SLAIN1: variants seen among roughly 807,000 people sequenced by gnomAD.
SLAIN1 encodes SLAIN motif-containing protein 1.
Under a neutral mutation model 55.4 loss-of-function variants are expected in SLAIN1, and 17 were observed. The ratio of observed to expected loss-of-function variants is 0.31; its 90% CI spans 0.21 to 0.46. The LOEUF is 0.46. Ranked by LOEUF, SLAIN1 falls within the 20% of genes least tolerant of loss-of-function variation. SLAIN1 has a pLI of 1.00. For missense variants in SLAIN1, 682 were observed against 785.1 expected, an observed-to-expected ratio of 0.87 and a Z score of 1.57; for synonymous variants, 348 against 337.4, an observed-to-expected ratio of 1.03 and a Z score of -0.35.
intron 4 of SLAIN1, among the ~76,000 whole-genome samples, chr13:77,750,891 C>G (rs1156773085): frequency 6.6e-6 from 1 of 152,078 alleles, no homozygotes; most frequent in Non-Finnish European, 1.5e-5. Flanking sequence ...CCATAGCACT[C>G]TCTACAATTT....
chr13:77,740,873 C>T (rs947929640), intron 2 of SLAIN1, among the ~76,000 whole-genome samples: 1 of 152,070 alleles, frequency 6.6e-6, no homozygotes, highest in African/African-American at 2.4e-5. Context: ...CCTCCTCCTC[C>T]ACTGTAACCT....
At chr13:77,739,040 A>G (rs1873278279) in intron 2 of SLAIN1, among the ~76,000 whole-genome samples, 1 of 151,962 alleles carries the variant, frequency 6.6e-6, no homozygotes, top group Admixed American at 6.6e-5. Context: ...CACCTGTTTA[A>G]CCACTTTTCC....
intron 1 of SLAIN1, among the ~76,000 whole-genome samples, chr13:77,715,115 C>G (rs987678489): frequency 5.3e-5 from 8 of 152,098 alleles, no homozygotes; most frequent in Non-Finnish European, 1.2e-4. Context: ...ATTTGCCCAC[C>G]TTGGTCTCTA....
Position 77,763,487 on chromosome 13 carries a change from A to G in SLAIN1, c.*267A>G, listed in dbSNP as rs1042099397. The G allele has an allele frequency of 2.4e-6, 1 of 412,800 alleles. No individual in the cohort carries two copies. Among genetic ancestry groups the G allele is most frequent in the African/African-American group, 2.0e-5 (1 of 49,724 alleles). The allele number at this position is 412,800 out of a possible 1,614,324, so 25.6% of individuals were successfully genotyped here. ...TTTTTGTAGAACTGCTCTGTACCTG[A>G]ATACTTTTTGAGAGAATTAAGATGT... is the stretch of plus-strand genomic sequence containing the variant. On this transcript the variant is annotated 3_prime_UTR_variant, in exon 7 of 7. Transcript: ENST00000418532.
chr13:77,743,561 A>C (rs1873602540), intron 2 of SLAIN1: 1 of 153,084 alleles, frequency 6.5e-6, no homozygotes, highest in Non-Finnish European at 1.5e-5. Flanking sequence ...AAATAGTCAT[A>C]GTGGCTTTTT....
intron 2 of SLAIN1, among the ~76,000 whole-genome samples, chr13:77,720,254 A>C (rs1478996009): frequency 6.6e-6 from 1 of 152,132 alleles, no homozygotes; most frequent in Non-Finnish European, 1.5e-5. Flanking sequence ...GATGCAGGGA[A>C]CTACTTGAAG....
At chr13:77,741,080 G>A (rs1873404325) in intron 2 of SLAIN1, 6 of 863,260 alleles carry the variant, frequency 7.0e-6, no homozygotes, top group Non-Finnish European at 8.3e-6. Flanking sequence ...GGGTCACAGT[G>A]GTTATTGTGC....
rs777297657 is a variant in SLAIN1 at position 77,753,219 on chromosome 13, T to C, written c.1275T>C (p.Ser425=). 6.2e-7 allele frequency: 1 copy of C among 1,602,022 alleles called. No individual in the cohort carries two copies. Among genetic ancestry groups the C allele is most frequent in the Admixed American group, 1.8e-5 (1 of 56,590 alleles). ...CTTTTCCAGATAAGCTCCGAAGAAG[T>C]ATGCCTAACCTAGCCCGGATGCCAA... is the stretch of plus-strand genomic sequence containing the variant. ...NRTNGDKLRR[S]MPNLARMPST... is the part of the protein sequence containing the mutation. The change falls in exon 5 of 7, where the codon AGT becomes AGC. Residue 425 remains serine (S), a synonymous_variant. Coordinates refer to ENST00000418532, the MANE Select transcript of SLAIN1 (RefSeq NM_001242868.2).
intron 2 of SLAIN1, among the ~76,000 whole-genome samples, chr13:77,737,380 C>T (rs1181821200): frequency 2.6e-5 from 4 of 152,108 alleles, no homozygotes; most frequent in Admixed American, 6.6e-5. Context: ...TTCATCATTT[C>T]TATGGCTACT....
intron 4 of SLAIN1, among the ~76,000 whole-genome samples, chr13:77,748,818 G>A (rs1057131338): frequency 3.9e-5 from 6 of 152,030 alleles, no homozygotes; most frequent in African/African-American, 1.2e-4. Flanking sequence ...TCTAAGGTTC[G>A]GTTTCCCTAA....
In SLAIN1 at chr13:77,746,511, T is replaced by A. The variant is rs770674630; in HGVS notation, c.917-3T>A. 4.4e-6 allele frequency: 7 copies of A among 1,592,262 alleles called. 1 individual carries two copies. Among genetic ancestry groups the A allele is most frequent in the Non-Finnish European group, 6.0e-6 (7 of 1,165,686 alleles). Reference sequence around the variant, plus strand: ...CATTAGAGTACTATTTGTTATTTTATAGGTCTCAGGCAAGATTATGCTTCT... The same window carrying A: ...CATTAGAGTACTATTTGTTATTTTAAAGGTCTCAGGCAAGATTATGCTTCT... On this transcript the variant is annotated splice_region_variant and splice_polypyrimidine_tract_variant and intron_variant, in intron 3 of 6. Transcript: ENST00000418532.
chr13:77,723,399 C>T (rs1023740634), intron 2 of SLAIN1, among the ~76,000 whole-genome samples: 3 of 152,046 alleles, frequency 2.0e-5, no homozygotes, highest in South Asian at 2.1e-4. Flanking sequence ...TTAAAAGAAA[C>T]GAATATTTCT....
In SLAIN1 at chr13:77,697,942, C is replaced by A; in HGVS notation, c.29C>A (p.Ser10Ter). The A allele has an allele frequency of 7.0e-7, 1 of 1,429,890 alleles. No homozygotes were observed. The highest frequency in any genetic ancestry group is 9.2e-7 in the Non-Finnish European group (1 of 1,082,726). 88.6% of individuals were successfully genotyped at this position (1,429,890 alleles called of 1,614,324 possible). A position where few individuals can be genotyped will look rare whatever the true frequency, so the allele number is the denominator to read the frequency against. Residue 10 changes from serine to a stop codon, truncating the protein, a stop_gained, in exon 1 of 7, where the codon TCG becomes TAG. Coordinates refer to ENST00000418532, the MANE Select transcript of SLAIN1 (RefSeq NM_001242868.2). LOFTEE classifies it high-confidence loss of function. ...ATGGCGGAGCAGGTGAAATGCGCCT[C>A]GGCAGGGGTCAGCTCTGGAGCGGGC... MMAEQVKCA[S>*]AGVSSGAGSG...
intron 1 of SLAIN1, among the ~76,000 whole-genome samples, chr13:77,714,446 TA>T (rs1381306887): frequency 6.6e-6 from 1 of 152,086 alleles, no homozygotes; most frequent in Non-Finnish European, 1.5e-5. Context: ...ACCACATCTC[TA>T]CAAAAAAACT....
Position 77,760,912 on chromosome 13 carries a change from C to A in SLAIN1, c.1499C>A (p.Ala500Asp). 6.2e-7 allele frequency: 1 copy of A among 1,614,170 alleles called. No homozygotes were observed. Among genetic ancestry groups the A allele is most frequent in the Non-Finnish European group, 8.5e-7 (1 of 1,180,016 alleles). The change falls in exon 6 of 7, where the codon GCC (alanine) becomes GAC (aspartate). Residue 500 changes from alanine to aspartate, a missense_variant. By Grantham distance (126) the Ala-to-Asp change is moderately radical (BLOSUM62 -2). This residue lies in a region of SLAIN1 where 244 missense variants were observed against 295.2 expected (regional missense o/e 0.83). Coordinates refer to ENST00000418532, the MANE Select transcript of SLAIN1 (RefSeq NM_001242868.2). ...ATCCGACAGCCTCTTAAAGCCACAG[C>A]CTATGTGAGTCCAACCGTTCAAGGC... is the stretch of plus-strand genomic sequence containing the variant. Reference protein sequence around the residue: ...VSIRQPLKATAYVSPTVQGSS... With the variant: ...VSIRQPLKATDYVSPTVQGSS...
intron 3 of SLAIN1, among the ~76,000 whole-genome samples, chr13:77,746,126 G>A (rs1873795038): frequency 6.6e-6 from 1 of 152,082 alleles, no homozygotes; most frequent in Admixed American, 6.6e-5. Context: ...CTTGGGCAGA[G>A]ATTTGAAGAT....
intron 1 of SLAIN1, among the ~76,000 whole-genome samples, chr13:77,714,448 C>T (rs1008761710): frequency 6.6e-6 from 1 of 152,008 alleles, no homozygotes; most frequent in African/African-American, 2.4e-5. Flanking sequence ...CACATCTCTA[C>T]AAAAAAACTT....
chr13:77,702,037 G>C (rs369238956), intron 1 of SLAIN1, among the ~76,000 whole-genome samples: 1 of 147,416 alleles, frequency 6.8e-6, no homozygotes. Flanking sequence ...TTGTTCTTGC[G>C]ATAGTTTACT....
intron 5 of SLAIN1, among the ~76,000 whole-genome samples, chr13:77,756,491 G>T (rs144272805): frequency 6.6e-6 from 1 of 151,892 alleles, no homozygotes; most frequent in African/African-American, 2.4e-5. Context: ...ATTTCCTCAG[G>T]TTTCTTTCAG....
Sources: gnomAD v4.1 joint callset for allele counts (sites outside exome capture counted in the v4.1 genomes callset) on GRCh38, gnomAD v4.1.1 for gene constraint, gnomAD v4.1.1 regional missense constraint, MANE v1.5 for transcripts, NCBI Gene and HGNC (gene_info 2026-07-23, HGNC 2026-07-21) for gene names.